TEX9: variants seen among roughly 807,000 people sequenced by gnomAD.
TEX9 encodes testis-expressed protein 9.
Under a neutral mutation model 59.6 loss-of-function variants are expected in TEX9, and 74 were observed. That is an observed-to-expected ratio of 1.24 (90% CI 1.03 to 1.51). The LOEUF is 1.51. TEX9 is among the 40% of genes most tolerant of loss of function. The pLI, the probability that TEX9 is intolerant of heterozygous loss-of-function variation, is 0.00. For missense variants in TEX9, 522 were observed against 447.8 expected, an observed-to-expected ratio of 1.17 and a Z score of -1.49; for synonymous variants, 186 against 152.2, an observed-to-expected ratio of 1.22 and a Z score of -1.64.
chr15:56,408,412 C>T (rs1388112017), intron 9 of TEX9: 1 of 152,232 alleles, frequency 6.6e-6, no homozygotes, highest in African/African-American at 2.4e-5. Context: ...CCCTCATTTT[C>T]CTGGCCTTAC....
At position 56,292,037 on chromosome 15, in the gene TEX9, C is replaced by G. The variant is rs1176931016; in HGVS notation, c.-107+47759C>G. Among the ~76,000 whole-genome samples, 6 of 152,204 alleles carry G rather than the reference C, an allele frequency of 3.9e-5. 1 individual carries two copies. The highest frequency in any genetic ancestry group is 1.4e-4 in the African/African-American group (6 of 41,440). The stretch of plus-strand genomic sequence containing the variant: ...GCGCTGGCATAGAAATGACTTCCAT[C>G]TGAGAAAGAAGCACTATTCTTCATA... On this transcript the variant is annotated intron_variant, in intron 1 of 5. Coordinates refer to the TEX9 transcript ENST00000560827.
intron 1 of TEX9, among the ~76,000 whole-genome samples, chr15:56,250,086 C>A (rs2043979328): frequency 6.6e-6 from 1 of 152,186 alleles, no homozygotes; most frequent in African/African-American, 2.4e-5. Context: ...TTTCCTTCTA[C>A]TCCAGCAGAA....
intron 1 of TEX9, among the ~76,000 whole-genome samples, chr15:56,284,252 C>T (rs770397629): frequency 2.0e-5 from 3 of 152,152 alleles, no homozygotes; most frequent in Non-Finnish European, 2.9e-5. Flanking sequence ...CTGCTTCAGC[C>T]TTCCACAGTG....
At chr15:56,394,093 A>G (rs2048340718) in intron 7 of TEX9, 72 bp from the exon 8 acceptor site, 1 of 1,381,796 alleles carries the variant, frequency 7.2e-7, no homozygotes, top group Non-Finnish European at 1.0e-6. Context: ...TTATAAAGTA[A>G]TGGTCTGTCT....
chr15:56,312,604 C>A (rs1470477449), intron 1 of TEX9, among the ~76,000 whole-genome samples: 1 of 148,066 alleles, frequency 6.8e-6, no homozygotes, highest in Non-Finnish European at 1.5e-5. Flanking sequence ...GTTCTTTTGG[C>A]TTAGGATTGA....
chr15:56,259,014 C>T (rs2044207552), intron 1 of TEX9, among the ~76,000 whole-genome samples: 1 of 151,522 alleles, frequency 6.6e-6, no homozygotes, highest in Non-Finnish European at 1.5e-5. Context: ...CTGTTTCATC[C>T]TCTTAATGAT....
chr15:56,383,147 C>T (rs537493400), intron 3 of TEX9, among the ~76,000 whole-genome samples: 2 of 152,288 alleles, frequency 1.3e-5, no homozygotes, highest in African/African-American at 4.8e-5. Flanking sequence ...GTCTCCGCCC[C>T]GCATGACTTT....
At chr15:56,443,893 T>G in intron 12 of TEX9, 1 of 1,393,832 alleles carries the variant, frequency 7.2e-7, no homozygotes, top group African/African-American at 1.5e-5. Flanking sequence ...TAGTAAACAA[T>G]AAAATATAAA....
downstream of TEX9, among the ~76,000 whole-genome samples, chr15:56,449,481 TA>T (rs1267821919): frequency 6.6e-6 from 1 of 152,200 alleles, no homozygotes; most frequent in Non-Finnish European, 1.5e-5. Flanking sequence ...ATCTTTCTTA[TA>T]CAGCACTGGA....
At chr15:56,406,117 TCTAA>T (rs2049063821) in intron 9 of TEX9, among the ~76,000 whole-genome samples, 1 of 152,178 alleles carries the variant, frequency 6.6e-6, no homozygotes, top group African/African-American at 2.4e-5. Flanking sequence ...ATCTCCAACC[TCTAA>T]CTATGGCACC....
chr15:56,439,651 T>G (rs1265912281), intron 12 of TEX9, among the ~76,000 whole-genome samples: 1 of 151,816 alleles, frequency 6.6e-6, no homozygotes, highest in South Asian at 2.1e-4. Context: ...GTGGAACAAC[T>G]GAACTAAATC....
the TEX9 span, among the ~76,000 whole-genome samples, chr15:56,457,382 G>A: frequency 3.3e-5 from 5 of 152,274 alleles, no homozygotes; most frequent in Non-Finnish European, 7.4e-5. Context: ...GAATTGCAAG[G>A]AGATATTACT....
chr15:56,410,254 TTTC>T (rs1292610497), intron 9 of TEX9: 2 of 152,164 alleles, frequency 1.3e-5, no homozygotes, highest in Non-Finnish European at 2.9e-5. Flanking sequence ...CATCTGATTA[TTTC>T]TTATCTGAAT....
intron 1 of TEX9, among the ~76,000 whole-genome samples, chr15:56,245,634 G>A (rs1596038516): frequency 6.6e-6 from 1 of 152,340 alleles, no homozygotes; most frequent in South Asian, 2.1e-4. Context: ...TTGTGTGCCA[G>A]ACTAGCACTT....
chr15:56,344,993 G>T (rs1015342045), intron 1 of TEX9, among the ~76,000 whole-genome samples: 1 of 146,730 alleles, frequency 6.8e-6, no homozygotes, highest in African/African-American at 2.5e-5. Context: ...TGCTTGTTTT[G>T]TTTATTGATT....
intron 1 of TEX9, among the ~76,000 whole-genome samples, chr15:56,280,501 C>G (rs2044789619): frequency 1.3e-5 from 2 of 152,170 alleles, no homozygotes. Flanking sequence ...TATAACTTCT[C>G]TGCATAAGGA....
At chr15:56,365,859 A>G in intron 2 of TEX9, 189 bp downstream of exon 2, 1 of 1,415,630 alleles carries the variant, frequency 7.1e-7, no homozygotes, top group Non-Finnish European at 9.2e-7. Context: ...CCTGCGTATT[A>G]GAAGATATTT....
At chr15:56,282,463 A>T (rs2044841214) in intron 1 of TEX9, among the ~76,000 whole-genome samples, 1 of 152,186 alleles carries the variant, frequency 6.6e-6, no homozygotes. Flanking sequence ...CACCGTTACC[A>T]TTATTACTTA....
intron 1 of TEX9, among the ~76,000 whole-genome samples, chr15:56,290,317 C>G (rs929963710): frequency 2.0e-5 from 3 of 152,106 alleles, no homozygotes; most frequent in African/African-American, 7.2e-5. Context: ...ATGCCAGTGT[C>G]CTCTGTAGAA....
Sources: gnomAD v4.1 joint callset for allele counts (sites outside exome capture counted in the v4.1 genomes callset) on GRCh38, gnomAD v4.1.1 for gene constraint, MANE v1.5 for transcripts, NCBI Gene and HGNC (gene_info 2026-07-23, HGNC 2026-07-21) for gene names.